Variants in AFG2A observed in about 807,000 individuals in gnomAD.
The protein encoded by AFG2A is AAA ATPase AFG2A.
chr4:123,067,575 A>G, the AFG2A span, among the ~76,000 whole-genome samples: 126,588 of 151,778 alleles, frequency 0.83, 53,869 homozygotes, highest in East Asian at 0.97. Context: ...TACCATTTGG[A>G]ACTTGTTATG....
At chr4:123,073,182 A>T in the AFG2A span, among the ~76,000 whole-genome samples, 1 of 149,154 alleles carries the variant, frequency 6.7e-6, no homozygotes, top group Non-Finnish European at 1.5e-5. Flanking sequence ...TTTTTTTTTT[A>T]AACTGAAAAA....
the AFG2A span, among the ~76,000 whole-genome samples, chr4:123,066,270 A>G: frequency 6.6e-6 from 1 of 152,180 alleles, no homozygotes; most frequent in South Asian, 2.1e-4. Context: ...AATTCAATAC[A>G]TTCATGATGT....
chr4:123,097,391 C>T, the AFG2A span, among the ~76,000 whole-genome samples: 1 of 150,354 alleles, frequency 6.7e-6, no homozygotes, highest in African/African-American at 2.4e-5. Flanking sequence ...GACTAATTGA[C>T]ATTAATAGTT....
the AFG2A span, among the ~76,000 whole-genome samples, chr4:123,006,889 A>T: frequency 3.4e-5 from 2 of 58,856 alleles, no homozygotes; most frequent in African/African-American, 9.7e-5. Context: ...GTTTCTTTGC[A>T]TGCTTGTTAT....
the AFG2A span, among the ~76,000 whole-genome samples, chr4:123,168,072 G>A: frequency 2.6e-5 from 4 of 152,166 alleles, no homozygotes; most frequent in Admixed American, 6.5e-5. Context: ...TTACTTAAGA[G>A]TAATAACAGG....
the AFG2A span, among the ~76,000 whole-genome samples, chr4:123,058,086 T>C: frequency 6.6e-6 from 1 of 152,224 alleles, no homozygotes; most frequent in East Asian, 1.9e-4. Context: ...CCTCATGTGA[T>C]GAGAGTATAA....
At chr4:123,164,176 C>T in the AFG2A span, among the ~76,000 whole-genome samples, 10 of 152,114 alleles carry the variant, frequency 6.6e-5, no homozygotes, top group Non-Finnish European at 1.2e-4. Flanking sequence ...TTCTTTGTGA[C>T]CTCTAGTGAT....
chr4:123,086,692 ATTAT>A, the AFG2A span, among the ~76,000 whole-genome samples: 4 of 149,172 alleles, frequency 2.7e-5, no homozygotes, highest in African/African-American at 7.4e-5. Context: ...GTGTGGTTTT[ATTAT>A]TTTTTTTTTA....
chr4:123,058,530 CAGG>C, the AFG2A span, among the ~76,000 whole-genome samples: 1 of 152,166 alleles, frequency 6.6e-6, no homozygotes, highest in East Asian at 1.9e-4. Flanking sequence ...GAGGCTGAGG[CAGG>C]AGAATTGCTT....
the AFG2A span, among the ~76,000 whole-genome samples, chr4:122,928,797 A>C: frequency 6.6e-6 from 1 of 152,008 alleles, no homozygotes; most frequent in Non-Finnish European, 1.5e-5. Flanking sequence ...ATCATTCTTG[A>C]TCTTTAGAAA....
the AFG2A span, among the ~76,000 whole-genome samples, chr4:123,311,625 CAAAAAAAAA>C: frequency 6.8e-4 from 63 of 92,216 alleles, no homozygotes; most frequent in East Asian, 6.0e-3. Context: ...GACTCTGTCT[CAAAAAAAAA>C]AAAAAAAAAA....
the AFG2A span, among the ~76,000 whole-genome samples, chr4:122,961,440 A>G: frequency 6.6e-6 from 1 of 152,222 alleles, no homozygotes; most frequent in Non-Finnish European, 1.5e-5. Flanking sequence ...ATCAGTAAAA[A>G]TCTTGCCCGT....
At chr4:123,151,158 A>G in the AFG2A span, among the ~76,000 whole-genome samples, 6 of 152,248 alleles carry the variant, frequency 3.9e-5, no homozygotes, top group Admixed American at 1.3e-4. Context: ...ACCTAAAACC[A>G]TAAAGACCCT....
At chr4:122,935,865 G>C in the AFG2A span, 1 of 1,570,208 alleles carries the variant, frequency 6.4e-7, no homozygotes, top group African/African-American at 1.4e-5. Context: ...ATTTAATAGA[G>C]TAAACTTACT....
chr4:123,065,404 T>C, the AFG2A span, among the ~76,000 whole-genome samples: 1 of 152,188 alleles, frequency 6.6e-6, no homozygotes, highest in African/African-American at 2.4e-5. Flanking sequence ...GAGTTAATAA[T>C]AGTAAATTCT....
At chr4:123,172,176 G>C in the AFG2A span, among the ~76,000 whole-genome samples, 4 of 152,150 alleles carry the variant, frequency 2.6e-5, no homozygotes, top group Admixed American at 6.5e-5. Flanking sequence ...CATAAACACT[G>C]TGTAGCAGAA....
the AFG2A span, among the ~76,000 whole-genome samples, chr4:123,145,837 A>T: frequency 1.3e-5 from 2 of 152,112 alleles, no homozygotes; most frequent in Non-Finnish European, 2.9e-5. Flanking sequence ...CTGGACTACG[A>T]ACTTTTAAAG....
chr4:123,265,867 CTCT>C, the AFG2A span, among the ~76,000 whole-genome samples: 17 of 152,020 alleles, frequency 1.1e-4, no homozygotes, highest in African/African-American at 4.1e-4. Context: ...CACCTTATTT[CTCT>C]TCTTCCAAAT....
the AFG2A span, among the ~76,000 whole-genome samples, chr4:123,265,459 C>T: frequency 1.3e-5 from 2 of 152,066 alleles, no homozygotes; most frequent in African/African-American, 4.8e-5. Context: ...CCAAACTTCA[C>T]CTTCTGCTTA....
Sources: gnomAD v4.1 joint callset for allele counts (sites outside exome capture counted in the v4.1 genomes callset) on GRCh38, gnomAD v4.1.1 for gene constraint, MANE v1.5 for transcripts, NCBI Gene and HGNC (gene_info 2026-07-23, HGNC 2026-07-21) for gene names.